Variants in ZNF679 observed in about 807,000 individuals in gnomAD.
ZNF679 encodes the protein zinc finger protein 679, also known as hypothetical protein MGC42415.
ZNF679 carries 10 observed loss-of-function variants against 13.4 expected under a neutral mutation model. The observed-to-expected ratio is 0.75, with a 90% confidence interval of 0.46 to 1.27. The LOEUF (loss-of-function observed/expected upper bound fraction) is 1.27. Ranked by LOEUF, ZNF679 falls within the 50% of genes most tolerant of loss-of-function variation. ZNF679 has a pLI of 0.00. For synonymous variants in ZNF679, 179 were observed against 162.5 expected (o/e 1.10, Z -0.77); for missense variants, 525 against 477.8 (o/e 1.10, Z -0.92).
intron 1 of ZNF679, among the ~76,000 whole-genome samples, chr7:64,241,563 C>A (rs956157162): frequency 6.6e-6 from 1 of 152,148 alleles, no homozygotes; most frequent in African/African-American, 2.4e-5. Flanking sequence ...ATGCCTCTTG[C>A]GGGCAGGGTT....
intron 1 of ZNF679, among the ~76,000 whole-genome samples, chr7:64,229,127 A>G (rs936253211): frequency 2.0e-5 from 3 of 152,138 alleles, no homozygotes; most frequent in East Asian, 1.9e-4. Flanking sequence ...GGGTCCAGGT[A>G]TGAGAGTCAT....
At chr7:64,256,904 G>A (rs954202282) in intron 2 of ZNF679, among the ~76,000 whole-genome samples, 2 of 152,038 alleles carry the variant, frequency 1.3e-5, no homozygotes, top group African/African-American at 2.4e-5. Flanking sequence ...CACCATGTTA[G>A]CCAGGCTGGT....
chr7:64,250,560 G>T (rs1175682025), intron 2 of ZNF679, among the ~76,000 whole-genome samples: 1 of 151,784 alleles, frequency 6.6e-6, no homozygotes, highest in Non-Finnish European at 1.5e-5. Flanking sequence ...ATAAGCTATT[G>T]CAGGCAGCCT....
In ZNF679 at chr7:64,241,915, C is replaced by T. The variant is rs571037739; in HGVS notation, c.-90-7113C>T. Among the ~76,000 whole-genome samples the T allele has an allele frequency of 3.3e-5, 5 of 152,342 alleles. No homozygotes were observed. The East Asian group carries it at 7.7e-4, about 24-fold the overall frequency. On this transcript the variant is annotated intron_variant, in intron 1 of 4. Coordinates refer to ENST00000421025, the MANE Select transcript of ZNF679 (RefSeq NM_153363.3). ...CAGATGCTGGGAAATGTAATTGTCA[C>T]AATCACACCTGCAGAAAGGTTTAAG...
At position 64,266,835 on chromosome 7, in the gene ZNF679, T is replaced by A. The variant is rs554851970; in HGVS notation, c.1202T>A (p.Met401Lys). The A allele has an allele frequency of 6.3e-7, 1 of 1,592,234 alleles. No homozygotes were observed. The highest frequency in any genetic ancestry group is 2.3e-5 in the East Asian group (1 of 43,616). Reference protein sequence around the residue: ...WSSSLANHKSMHTGEKPYKCE With the variant: ...WSSSLANHKSKHTGEKPYKCE ...TCAAGTCTTGCTAATCATAAGAGTA[T>A]GCATACTGGAGAGAAACCCTACAAA... The change falls in exon 5 of 5, where the codon ATG becomes AAG. Residue 401 changes from methionine (M) to lysine (K), a missense_variant. Coordinates refer to ENST00000421025, the MANE Select transcript of ZNF679 (RefSeq NM_153363.3).
At chr7:64,265,033 T>C (rs1788125775) in intron 4 of ZNF679, among the ~76,000 whole-genome samples, 1 of 152,128 alleles carries the variant, frequency 6.6e-6, no homozygotes, top group Non-Finnish European at 1.5e-5. Flanking sequence ...GAGCATAATA[T>C]GGATTATCTT....
At chr7:64,246,619 A>G (rs1787874316) in intron 1 of ZNF679, among the ~76,000 whole-genome samples, 1 of 152,132 alleles carries the variant, frequency 6.6e-6, no homozygotes, top group Non-Finnish European at 1.5e-5. Context: ...GCTCCTCCAG[A>G]AGCTGAGGCA....
At chr7:64,258,618 T>A (rs1788035868) in intron 2 of ZNF679, among the ~76,000 whole-genome samples, 1 of 151,584 alleles carries the variant, frequency 6.6e-6, no homozygotes, top group South Asian at 2.1e-4. Context: ...GGATAATTGC[T>A]TGAACCTAGG....
chr7:64,265,857 G>T (rs751021347), intron 4 of ZNF679, 39 bp from the exon 5 acceptor site: 4 of 1,591,698 alleles, frequency 2.5e-6, no homozygotes, highest in Middle Eastern at 1.7e-4. Context: ...CTATCTGGGT[G>T]TAGTAAGTGA....
intron 1 of ZNF679, among the ~76,000 whole-genome samples, chr7:64,232,925 C>T (rs748903962): frequency 1.3e-5 from 2 of 152,072 alleles, no homozygotes; most frequent in African/African-American, 2.4e-5. Context: ...GTCACAATAC[C>T]CCTTAAGGGC....
At chr7:64,243,225 T>C (rs973830956) in intron 1 of ZNF679, among the ~76,000 whole-genome samples, 2 of 152,184 alleles carry the variant, frequency 1.3e-5, no homozygotes, top group Non-Finnish European at 1.5e-5. Flanking sequence ...ATCTCTTCCA[T>C]TGGCTGGGTT....
chr7:64,257,236 T>C (rs866480347), intron 2 of ZNF679, among the ~76,000 whole-genome samples: 134 of 152,342 alleles, frequency 8.8e-4, no homozygotes, highest in African/African-American at 3.0e-3. Context: ...ATACACTTTG[T>C]TCTTATCACT....
intron 2 of ZNF679, 89 bp from the exon 3 acceptor site, chr7:64,260,132 T>A (rs1788055438): frequency 1.7e-6 from 2 of 1,200,350 alleles, no homozygotes; most frequent in Non-Finnish European, 2.3e-6. Flanking sequence ...ACTCTCTAAC[T>A]TGAGTCAAAT....
chr7:64,256,802 A>G (rs1788010968), intron 2 of ZNF679, among the ~76,000 whole-genome samples: 1 of 151,674 alleles, frequency 6.6e-6, no homozygotes, highest in South Asian at 2.1e-4. Flanking sequence ...GTTTCAAGCA[A>G]TTCTCCTGTC....
intron 4 of ZNF679, among the ~76,000 whole-genome samples, chr7:64,265,671 T>A (rs1165979962): frequency 6.6e-6 from 1 of 152,200 alleles, no homozygotes; most frequent in Non-Finnish European, 1.5e-5. Context: ...TGGCTCTTGG[T>A]ATTGTGCCCA....
At chr7:64,265,327 A>G (rs770812343) in intron 4 of ZNF679, among the ~76,000 whole-genome samples, 27 of 152,096 alleles carry the variant, frequency 1.8e-4, no homozygotes, top group Non-Finnish European at 3.4e-4. Flanking sequence ...TTTCCATTAA[A>G]AGACTTCTCC....
intron 4 of ZNF679, among the ~76,000 whole-genome samples, chr7:64,264,660 AT>A (rs1325131230): frequency 1.3e-4 from 20 of 151,738 alleles, no homozygotes; most frequent in Non-Finnish European, 1.0e-4. Flanking sequence ...CACCATGAAG[AT>A]TTTTTTTCAG....
At chr7:64,259,842 C>T (rs1255965461) in intron 2 of ZNF679, among the ~76,000 whole-genome samples, 2 of 151,746 alleles carry the variant, frequency 1.3e-5, no homozygotes, top group South Asian at 2.1e-4. Flanking sequence ...GCAGGAGAAT[C>T]GCTTGAACCC....
At chr7:64,249,441 C>T (rs1388429944) in intron 2 of ZNF679, among the ~76,000 whole-genome samples, 2 of 152,178 alleles carry the variant, frequency 1.3e-5, no homozygotes, top group Admixed American at 1.3e-4. Context: ...CCAGATTGTA[C>T]AGGGATGGGA....
Sources: gnomAD v4.1 joint callset for allele counts (sites outside exome capture counted in the v4.1 genomes callset) on GRCh38, gnomAD v4.1.1 for gene constraint, MANE v1.5 for transcripts, NCBI Gene and HGNC (gene_info 2026-07-23, HGNC 2026-07-21) for gene names.